The following EPAS1 variants were observed in gnomAD, a reference collection of about 807,000 sequenced individuals.
The protein encoded by EPAS1 is endothelial PAS domain protein 1.
Under a neutral mutation model 87.9 loss-of-function variants are expected in EPAS1, and 23 were observed. That is an observed-to-expected ratio of 0.26 (90% CI 0.19 to 0.37). The LOEUF (loss-of-function observed/expected upper bound fraction) is 0.37. EPAS1 is among the 10% of genes least tolerant of loss of function. The pLI is 1.00. For missense variants in EPAS1, 1,138 were observed against 1,120.7 expected, an observed-to-expected ratio of 1.02 and a Z score of -0.22; for synonymous variants, 508 against 444.3, an observed-to-expected ratio of 1.14 and a Z score of -1.80.
In EPAS1 at chr2:46,346,993, C is replaced by T. The variant is rs1300772813; in HGVS notation, c.147C>T (p.Ser49=). The T allele has an allele frequency of 6.2e-7, 1 of 1,614,194 alleles. No individual in the cohort carries two copies. Residue 49 remains serine, a synonymous_variant, in exon 2 of 16, where the codon TCC becomes TCT. Coordinates refer to ENST00000263734, the MANE Select transcript of EPAS1 (RefSeq NM_001430.5). This position sits in a 1 kb window ranked among gnomAD's most constrained non-coding sequence, Gnocchi z 4.0. The part of the protein sequence containing the change: ...HELPLPHSVS[S]HLDKASIMRL... ...TGCCTCTGCCCCACAGTGTGAGCTC[C>T]CATCTGGACAAGGCCTCCATCATGC...
chr2:46,355,381 C>T (rs1684249274), intron 2 of EPAS1, among the ~76,000 whole-genome samples: 1 of 152,192 alleles, frequency 6.6e-6, no homozygotes, highest in Non-Finnish European at 1.5e-5. Flanking sequence ...CTGTGTTTAA[C>T]TCCAAAGCCT....
chr2:46,350,161 T>G (rs1173318068), intron 2 of EPAS1, among the ~76,000 whole-genome samples: 1 of 152,196 alleles, frequency 6.6e-6, no homozygotes, highest in Non-Finnish European at 1.5e-5. Context: ...GAAAACCCAG[T>G]GTAAATTCTT....
At chr2:46,331,225 T>A (rs1244848663) in intron 1 of EPAS1, among the ~76,000 whole-genome samples, 1 of 152,204 alleles carries the variant, frequency 6.6e-6, no homozygotes, top group Non-Finnish European at 1.5e-5. Flanking sequence ...CTTGGCCTGG[T>A]CTGCTCAGTG....
In EPAS1 at chr2:46,377,902, A is replaced by G. The variant is rs1375084225; in HGVS notation, c.1258A>G (p.Asn420Asp). The G allele has an allele frequency of 1.3e-6, 2 of 1,552,442 alleles. No individual in the cohort carries two copies. The highest frequency in any genetic ancestry group is 1.7e-6 in the Non-Finnish European group (2 of 1,147,370). ...GGCCCTTGTCTCCACAGGGAATCAG[A>G]ACTTCGAGGAGTCCTCAGCCTATGG... is the stretch of plus-strand genomic sequence containing the variant. ...AIISLDFGNQ[N>D]FEESSAYGKA... The change falls in exon 10 of 16, where the codon AAC (asparagine) becomes GAC (aspartate). Residue 420 changes from asparagine to aspartate, a missense_variant. Asn to Asp is a conservative substitution (Grantham distance 23). Coordinates refer to ENST00000263734, the MANE Select transcript of EPAS1 (RefSeq NM_001430.5).
intron 6 of EPAS1, among the ~76,000 whole-genome samples, chr2:46,364,068 A>T (rs1684455734): frequency 6.6e-6 from 1 of 152,154 alleles, no homozygotes; most frequent in African/African-American, 2.4e-5. Flanking sequence ...TTGTGGTGGG[A>T]TGGGGAGAAG....
intron 1 of EPAS1, among the ~76,000 whole-genome samples, chr2:46,334,318 C>CA (rs1487985480): frequency 3.9e-5 from 6 of 152,320 alleles, no homozygotes; most frequent in African/African-American, 9.6e-5. Context: ...GTGCTTGGCA[C>CA]CTTATGGATA....
At chr2:46,370,751 G>A (rs1341511071) in intron 7 of EPAS1, among the ~76,000 whole-genome samples, 1 of 152,202 alleles carries the variant, frequency 6.6e-6, no homozygotes, top group Non-Finnish European at 1.5e-5. Context: ...ATATTGGACA[G>A]AGAAGTTCTA....
intron 1 of EPAS1, among the ~76,000 whole-genome samples, chr2:46,338,367 C>T (rs1352099230): frequency 6.6e-5 from 10 of 152,164 alleles, no homozygotes; most frequent in Non-Finnish European, 1.2e-4. Context: ...TCTCAGCTTG[C>T]GGAGGTTAAT....
chr2:46,333,321 A>G (rs1683724848), intron 1 of EPAS1, among the ~76,000 whole-genome samples: 1 of 152,152 alleles, frequency 6.6e-6, no homozygotes, highest in Non-Finnish European at 1.5e-5. Context: ...GAGGTTTGAC[A>G]TTTTGCCTGT....
intron 2 of EPAS1, among the ~76,000 whole-genome samples, chr2:46,351,230 A>T (rs918487265): frequency 1.3e-5 from 2 of 152,244 alleles, no homozygotes; most frequent in African/African-American, 2.4e-5. Context: ...CTTTGTTCAG[A>T]TCATTCCTTT....
intron 2 of EPAS1, among the ~76,000 whole-genome samples, chr2:46,350,371 A>G (rs2103620009): frequency 6.6e-6 from 1 of 152,370 alleles, no homozygotes; most frequent in South Asian, 2.1e-4. Flanking sequence ...GTTTTTCTTT[A>G]GAAAAGTTTC....
chr2:46,302,238 A>G (rs1380352266), intron 1 of EPAS1, among the ~76,000 whole-genome samples: 1 of 151,818 alleles, frequency 6.6e-6, no homozygotes, highest in East Asian at 1.9e-4. Flanking sequence ...GGAAACAATT[A>G]GATAATTCTC....
intron 6 of EPAS1, among the ~76,000 whole-genome samples, chr2:46,363,203 C>T (rs187620820): frequency 2.1e-4 from 32 of 152,278 alleles, no homozygotes; most frequent in Non-Finnish European, 3.2e-4. Context: ...CACTGCATAG[C>T]CCCTGTGTCA....
Position 46,375,805 on chromosome 2 carries a change from C to T in EPAS1, c.1002C>T (p.Pro334=). The change falls in exon 8 of 16, where the codon CCC becomes CCT. Residue 334 remains proline, a synonymous_variant. Coordinates refer to ENST00000263734, the MANE Select transcript of EPAS1 (RefSeq NM_001430.5). The surrounding 1 kb of genome is among the most constrained non-coding windows in gnomAD (Gnocchi z 4.1). ...TCTACAACCCTCGCAACCTGCAGCCCCAGTGCATCATGTGTGTCAACTACG... is the reference window on the plus strand; with the variant it reads ...TCTACAACCCTCGCAACCTGCAGCCTCAGTGCATCATGTGTGTCAACTACG... The part of the protein sequence containing the change: ...TVIYNPRNLQ[P]QCIMCVNYVL... 1 of 1,614,218 alleles carries T rather than the reference C, an allele frequency of 6.2e-7. No homozygotes were observed. Among genetic ancestry groups the T allele is most frequent in the Non-Finnish European group, 8.5e-7 (1 of 1,180,040 alleles).
In EPAS1 at chr2:46,297,737, C is replaced by A; in HGVS notation, c.-175C>A. ...ACCTTTCTCCACCCCCGCCCCCGCA[C>A]CTAGCCCGCCGCGCGCCACCTTCCA... On this transcript the variant is annotated 5_prime_UTR_variant, in exon 1 of 16. Coordinates refer to ENST00000263734, the MANE Select transcript of EPAS1 (RefSeq NM_001430.5). 1 of 764,408 alleles carries A rather than the reference C, an allele frequency of 1.3e-6. No individual in the cohort carries two copies. The highest frequency in any genetic ancestry group is 2.1e-6 in the Non-Finnish European group (1 of 477,596). 47.4% of individuals were successfully genotyped at this position (764,408 alleles called of 1,614,324 possible).
At chr2:46,318,333 C>T (rs1326110477) in intron 1 of EPAS1, among the ~76,000 whole-genome samples, 7 of 151,994 alleles carry the variant, frequency 4.6e-5, no homozygotes, top group Non-Finnish European at 7.4e-5. Flanking sequence ...GATCACTGAT[C>T]GCAGATCATT....
At chr2:46,328,254 T>C (rs1451686367) in intron 1 of EPAS1, among the ~76,000 whole-genome samples, 1 of 152,116 alleles carries the variant, frequency 6.6e-6, no homozygotes, top group Non-Finnish European at 1.5e-5. Flanking sequence ...GCTAGGAGCT[T>C]GAGTGGGTCT....
chr2:46,358,255 C>G (rs1001927112), intron 4 of EPAS1, among the ~76,000 whole-genome samples: 1 of 152,234 alleles, frequency 6.6e-6, no homozygotes, highest in Non-Finnish European at 1.5e-5. Flanking sequence ...ACAGCTCCCT[C>G]ACCCAGCTCC....
intron 2 of EPAS1, among the ~76,000 whole-genome samples, chr2:46,355,747 AG>A (rs1375823413): frequency 6.6e-6 from 1 of 152,222 alleles, no homozygotes; most frequent in Non-Finnish European, 1.5e-5. Context: ...GCTGAAATAA[AG>A]TCTATGGTCT....
Sources: gnomAD v4.1 joint callset for allele counts (sites outside exome capture counted in the v4.1 genomes callset) on GRCh38, gnomAD v4.1.1 for gene constraint, Gnocchi (gnomAD v3.1) non-coding constraint, MANE v1.5 for transcripts, NCBI Gene and HGNC (gene_info 2026-07-23, HGNC 2026-07-21) for gene names.